The following CLVS2 variants were observed in gnomAD, a reference collection of about 807,000 sequenced individuals.
CLVS2 encodes the protein clavesin 2, also known as clavesin-2.
A neutral mutation model predicts 29.0 loss-of-function variants in CLVS2; 19 were observed. That is an observed-to-expected ratio of 0.66 (90% confidence interval 0.46 to 0.96). CLVS2 has a LOEUF of 0.96. Ranked by LOEUF, CLVS2 falls within the 40% of genes least tolerant of loss-of-function variation. CLVS2 has a pLI of 0.00. For synonymous variants in CLVS2, 161 were observed against 151.3 expected (o/e 1.06, Z -0.47); for missense variants, 294 against 404.1 (o/e 0.73, Z 2.34).
intron 5 of CLVS2, 68 bp from the exon 6 acceptor site, chr6:123,063,606 A>G (rs1354597134): frequency 3.6e-6 from 3 of 843,680 alleles, no homozygotes; most frequent in Non-Finnish European, 3.9e-6. Context: ...AATGACAAAA[A>G]GAGGAGAGAA....
chr6:123,022,424 A>G (rs1774937715), intron 3 of CLVS2, among the ~76,000 whole-genome samples: 2 of 151,994 alleles, frequency 1.3e-5, no homozygotes, highest in East Asian at 1.9e-4. Flanking sequence ...CCTTAAAGCC[A>G]GTGATTAGTT....
intron 3 of CLVS2, among the ~76,000 whole-genome samples, chr6:123,035,362 C>G (rs957690171): frequency 6.6e-6 from 1 of 151,274 alleles, no homozygotes; most frequent in African/African-American, 2.4e-5. Context: ...AAGACATGTT[C>G]AAGGAATGGG....
chr6:123,030,844 A>ATT (rs1172598320), intron 3 of CLVS2, among the ~76,000 whole-genome samples: 1 of 148,022 alleles, frequency 6.8e-6, no homozygotes, highest in Admixed American at 6.8e-5. Flanking sequence ...TAAAATATAT[A>ATT]TATATACACA....
chr6:123,062,429 C>T (rs1384082146), intron 5 of CLVS2, among the ~76,000 whole-genome samples: 1 of 151,794 alleles, frequency 6.6e-6, no homozygotes, highest in Non-Finnish European at 1.5e-5. Flanking sequence ...CTATTATTAT[C>T]TTATATCCTC....
chr6:123,027,781 G>A (rs1199261388), intron 3 of CLVS2, among the ~76,000 whole-genome samples: 1 of 152,058 alleles, frequency 6.6e-6, no homozygotes, highest in African/African-American at 2.4e-5. Context: ...AATTTAGAAT[G>A]CTGCTTAAAG....
At chr6:123,024,176 A>T (rs887140846) in intron 3 of CLVS2, among the ~76,000 whole-genome samples, 1 of 152,180 alleles carries the variant, frequency 6.6e-6, no homozygotes, top group Non-Finnish European at 1.5e-5. Flanking sequence ...TTAAAAAACC[A>T]TAGGCAGTCA....
At position 123,066,906 on chromosome 6, in the gene CLVS2, G is replaced by A. The variant is rs1012688426; in HGVS notation, c.*3145G>A. ...ACAGTATTAAGTCTCTGTTGTGTAA[G>A]TTAAATACAGTAACTTTAGTACATG... On this transcript the variant is annotated 3_prime_UTR_variant, in exon 6 of 6. Transcript: ENST00000275162. 1 of 151,678 alleles carries A rather than the reference G, an allele frequency of 6.6e-6. No individual in the cohort carries two copies. The highest frequency in any genetic ancestry group is 1.5e-5 in the Non-Finnish European group (1 of 67,710). The allele number at this position is 151,678 out of a possible 1,614,324, so 9.4% of individuals were successfully genotyped here.
chr6:123,072,694 T>G lies in CLVS2; in HGVS notation c.*8933T>G, dbSNP rs964763733. 6 of 152,142 alleles carry G rather than the reference T, an allele frequency of 3.9e-5. No homozygotes were observed. The highest frequency in any genetic ancestry group is 7.4e-5 in the Non-Finnish European group (5 of 67,984). The allele number at this position is 152,142 out of a possible 1,614,324, so 9.4% of individuals were successfully genotyped here. Reference sequence around the variant, plus strand: ...ATGTTCTCTTAGGTTGAATTTTCTTTTCATAATTTTTTATGATTGAATTCT... The same window carrying G: ...ATGTTCTCTTAGGTTGAATTTTCTTGTCATAATTTTTTATGATTGAATTCT... On this transcript the variant is annotated 3_prime_UTR_variant, in exon 6 of 6. Coordinates refer to ENST00000275162, the MANE Select transcript of CLVS2 (RefSeq NM_001010852.4).
chr6:123,046,676 A>T (rs1772519553), intron 3 of CLVS2, among the ~76,000 whole-genome samples: 2 of 151,860 alleles, frequency 1.3e-5, no homozygotes, highest in Admixed American at 1.3e-4. Flanking sequence ...AAAAAAAATA[A>T]TAATAATAAT....
intron 3 of CLVS2, among the ~76,000 whole-genome samples, chr6:123,031,040 C>A (rs1562169031): frequency 6.6e-6 from 1 of 151,944 alleles, no homozygotes; most frequent in Non-Finnish European, 1.5e-5. Context: ...TCAAGTGATT[C>A]TCCCACATCA....
At chr6:123,050,520 A>T (rs1262419923) in intron 4 of CLVS2, among the ~76,000 whole-genome samples, 1 of 152,128 alleles carries the variant, frequency 6.6e-6, no homozygotes, top group Admixed American at 6.6e-5. Flanking sequence ...AATTTATGGG[A>T]AAGAGAGTTT....
rs568673564 is a variant in CLVS2 at position 123,067,814 on chromosome 6, G to A, written c.*4053G>A. 6.6e-5 allele frequency: 10 copies of A among 151,746 alleles called. No individual in the cohort carries two copies. Among genetic ancestry groups the A allele is most frequent in the South Asian group, 2.1e-4 (1 of 4,822 alleles). 9.4% of individuals were successfully genotyped at this position (151,746 alleles called of 1,614,324 possible). A position where few individuals can be genotyped will look rare whatever the true frequency, so the allele number is the denominator to read the frequency against. On this transcript the variant is annotated 3_prime_UTR_variant, in exon 6 of 6. Transcript: ENST00000275162. ...AAAGAAGATTGGTTAAATATGCAAG[G>A]TGTGTAATTATCTTCAGTAATGAAA...
chr6:123,023,195 G>C (rs999913203), intron 3 of CLVS2, among the ~76,000 whole-genome samples: 2 of 152,066 alleles, frequency 1.3e-5, no homozygotes, highest in Admixed American at 6.6e-5. Flanking sequence ...GAACTCAGTT[G>C]CTGTGGTGTG....
At chr6:123,034,790 T>C (rs966400351) in intron 3 of CLVS2, among the ~76,000 whole-genome samples, 1 of 152,082 alleles carries the variant, frequency 6.6e-6, no homozygotes, top group African/African-American at 2.4e-5. Flanking sequence ...CTGGTTTTAG[T>C]CGTTATTCTA....
At position 123,064,413 on chromosome 6, in the gene CLVS2, A is replaced by G. The variant is rs894918849; in HGVS notation, c.*652A>G. The G allele has an allele frequency of 5.9e-5, 9 of 151,986 alleles. No individual in the cohort carries two copies. The highest frequency in any genetic ancestry group is 4.8e-5 in the African/African-American group (2 of 41,426). The allele number at this position is 151,986 out of a possible 1,614,324, so 9.4% of individuals were successfully genotyped here. A position where few individuals can be genotyped will look rare whatever the true frequency, so the allele number is the denominator to read the frequency against. On this transcript the variant is annotated 3_prime_UTR_variant, in exon 6 of 6. Coordinates refer to ENST00000275162, the MANE Select transcript of CLVS2 (RefSeq NM_001010852.4). ...TTAATTCTTGGAATCTTGTGAAAAG[A>G]TGTGTTTCCTCAATTAAGACGTAGA...
rs930037580 is a variant in CLVS2, at chr6:123,052,911, A to G, written c.676-2895A>G. Among the ~76,000 whole-genome samples the G allele has an allele frequency of 3.9e-4, 58 of 150,064 alleles. 3 individuals are homozygous for G. The highest frequency in any genetic ancestry group is 1.5e-5 in the Non-Finnish European group (1 of 67,742). On this transcript the variant is annotated intron_variant, in intron 4 of 5. Transcript: ENST00000275162. ...AGTTTGAAAAAGGGGCCTGGATTCA[A>G]GACATATATTTCTAGTGCAGGGATA...
intron 4 of CLVS2, among the ~76,000 whole-genome samples, chr6:123,049,805 G>GGA (rs1491173355): frequency 1.7e-5 from 1 of 58,400 alleles, no homozygotes; most frequent in Non-Finnish European, 5.1e-5. Flanking sequence ...GTTGTGGGAT[G>GGA]GGGGGCGGGG....
chr6:123,024,651 A>C (rs1023935985), intron 3 of CLVS2, among the ~76,000 whole-genome samples: 1 of 152,160 alleles, frequency 6.6e-6, no homozygotes, highest in Non-Finnish European at 1.5e-5. Flanking sequence ...ATTCAGGATA[A>C]GTAGTCATCA....
At chr6:123,008,221 A>C (rs905113431) in intron 2 of CLVS2, among the ~76,000 whole-genome samples, 1 of 152,150 alleles carries the variant, frequency 6.6e-6, no homozygotes, top group African/African-American at 2.4e-5. Context: ...TGTAATTTTT[A>C]TAAAAATCAT....
Sources: allele counts gnomAD v4.1 joint callset (sites outside exome capture counted in the v4.1 genomes callset), GRCh38; gene constraint gnomAD v4.1.1; transcripts MANE v1.5; gene names NCBI Gene and HGNC (gene_info 2026-07-23, HGNC 2026-07-21).